The following CNTNAP5 variants were observed in gnomAD, a reference collection of about 807,000 sequenced individuals.
CNTNAP5 encodes contactin-associated protein-like 5.
In CNTNAP5, 72 loss-of-function variants were observed where a neutral mutation model predicts 150.2. That is an observed-to-expected ratio of 0.48 (90% CI 0.40 to 0.58). The LOEUF is 0.58. CNTNAP5 is among the 20% of genes least tolerant of loss of function. CNTNAP5 has a pLI of 0.00. For missense variants in CNTNAP5, 1,636 were observed against 1,626.2 expected, an observed-to-expected ratio of 1.01 and a Z score of -0.10; for synonymous variants, 672 against 619.8, an observed-to-expected ratio of 1.08 and a Z score of -1.25.
At chr2:124,065,999 T>C (rs1682142284) in intron 1 of CNTNAP5, among the ~76,000 whole-genome samples, 1 of 152,164 alleles carries the variant, frequency 6.6e-6, no homozygotes, top group Non-Finnish European at 1.5e-5. Context: ...TGAGTGGATA[T>C]GCTCTCGAGG....
At chr2:124,412,102 C>A (rs1691784571) in intron 3 of CNTNAP5, among the ~76,000 whole-genome samples, 1 of 125,340 alleles carries the variant, frequency 8.0e-6, no homozygotes, top group African/African-American at 2.8e-5. Context: ...AACAGAGAGC[C>A]AAATCATGAG....
chr2:124,735,647 T>C (rs1680366768), intron 13 of CNTNAP5, among the ~76,000 whole-genome samples: 1 of 152,192 alleles, frequency 6.6e-6, no homozygotes, highest in African/African-American at 2.4e-5. Context: ...TACTCTTTTA[T>C]TCCCTTCTCT....
chr2:124,885,212 A>T (rs1171398982), intron 21 of CNTNAP5, among the ~76,000 whole-genome samples: 1 of 151,984 alleles, frequency 6.6e-6, no homozygotes, highest in African/African-American at 2.4e-5. Context: ...AAGTCTTAAA[A>T]GCCATTCTGC....
intron 3 of CNTNAP5, among the ~76,000 whole-genome samples, chr2:124,285,236 G>C (rs753506050): frequency 1.2e-4 from 18 of 152,222 alleles, no homozygotes; most frequent in Non-Finnish European, 1.9e-4. Context: ...TTTTGCATGA[G>C]TTCCCTGGAG....
chr2:124,903,156 C>T, intron 22 of CNTNAP5, 56 bp downstream of exon 22: 1 of 1,097,588 alleles, frequency 9.1e-7, no homozygotes, highest in Non-Finnish European at 1.2e-6. Context: ...CTTTTTGTGT[C>T]TTCAAGAAGC....
At chr2:124,069,757 C>T (rs910185074) in intron 1 of CNTNAP5, among the ~76,000 whole-genome samples, 1 of 152,116 alleles carries the variant, frequency 6.6e-6, no homozygotes, top group Non-Finnish European at 1.5e-5. Context: ...GGGATTTCTT[C>T]AACACCAGAA....
intron 1 of CNTNAP5, among the ~76,000 whole-genome samples, chr2:124,125,446 T>G (rs77952940): frequency 1.3e-5 from 2 of 152,066 alleles, no homozygotes; most frequent in Non-Finnish European, 2.9e-5. Flanking sequence ...AGACTTAGAC[T>G]CCCATGCAAT....
At chr2:124,858,069 C>G (rs528279202) in intron 19 of CNTNAP5, among the ~76,000 whole-genome samples, 93 of 152,162 alleles carry the variant, frequency 6.1e-4, no homozygotes, top group African/African-American at 2.2e-3. Flanking sequence ...ATAATAAGAG[C>G]TATTTATGAC....
chr2:124,488,288 G>A (rs1323843186), intron 7 of CNTNAP5, among the ~76,000 whole-genome samples: 1 of 152,042 alleles, frequency 6.6e-6, no homozygotes, highest in African/African-American at 2.4e-5. Flanking sequence ...ATAACGTGTT[G>A]ATCATTTATT....
chr2:124,230,536 A>AT (rs545783458), intron 2 of CNTNAP5, among the ~76,000 whole-genome samples: 25 of 140,676 alleles, frequency 1.8e-4, no homozygotes, highest in Non-Finnish European at 1.8e-4. Flanking sequence ...ATAAATTATT[A>AT]TTTTTTTTTT....
intron 1 of CNTNAP5, among the ~76,000 whole-genome samples, chr2:124,042,149 C>T (rs923231511): frequency 3.9e-5 from 6 of 152,182 alleles, no homozygotes; most frequent in Admixed American, 2.6e-4. Context: ...GCATGAGCCA[C>T]CATGCCCAGC....
chr2:124,580,301 C>A (rs1696380359), intron 11 of CNTNAP5, among the ~76,000 whole-genome samples: 1 of 152,244 alleles, frequency 6.6e-6, no homozygotes, highest in South Asian at 2.1e-4. Context: ...CTAAAGGCTT[C>A]TCTGTAAGTT....
chr2:124,105,527 C>G (rs1168741449), intron 1 of CNTNAP5, among the ~76,000 whole-genome samples: 1 of 152,136 alleles, frequency 6.6e-6, no homozygotes, highest in South Asian at 2.1e-4. Context: ...CTGACCTACT[C>G]AAGTCCAATT....
chr2:124,454,154 A>G (rs1693058130), intron 6 of CNTNAP5, among the ~76,000 whole-genome samples: 1 of 152,182 alleles, frequency 6.6e-6, no homozygotes. Context: ...CCTTCAAGAG[A>G]CACACCTAAT....
At position 124,055,960 on chromosome 2, in the gene CNTNAP5, G is replaced by T. The variant is rs528423141; in HGVS notation, c.82+30228G>T. Among the ~76,000 whole-genome samples, 160 of 151,952 alleles carry T rather than the reference G, an allele frequency of 1.1e-3. 1 individual carries two copies. The highest frequency in any genetic ancestry group is 3.5e-3 in the Middle Eastern group (1 of 288). ...TCTGATTTTGACTCCCTCTGTGACT[G>T]TAAAAGTAAAACACCTATGCCTCTT... On this transcript the variant is annotated intron_variant, in intron 1 of 23. Transcript: ENST00000682447.
chr2:124,336,271 T>G (rs1489037038), intron 3 of CNTNAP5, among the ~76,000 whole-genome samples: 1 of 151,796 alleles, frequency 6.6e-6, no homozygotes, highest in African/African-American at 2.4e-5. Flanking sequence ...AGGGGTCCAA[T>G]TTTTGGGTCC....
chr2:124,915,444 A>T lies in CNTNAP5; in HGVS notation c.*1156A>T, dbSNP rs151305474. 3.3e-5 allele frequency among the ~76,000 whole-genome samples: 5 copies of T among 152,180 alleles called. 1 individual carries two copies. Among genetic ancestry groups the T allele is most frequent in the African/African-American group, 1.2e-4 (5 of 41,560 alleles). Reference sequence around the variant, plus strand: ...CACTCACTAAAGACCTGGTGAAGATAGTTAATTCAAATTTGCAAGTTTCAC... The same window carrying T: ...CACTCACTAAAGACCTGGTGAAGATTGTTAATTCAAATTTGCAAGTTTCAC... On this transcript the variant is annotated 3_prime_UTR_variant, in exon 24 of 24. Transcript: ENST00000682447.
chr2:124,586,594 T>G lies in CNTNAP5; in HGVS notation c.1757-23207T>G, dbSNP rs1696542345. Among the ~76,000 whole-genome samples, 5 of 152,320 alleles carry G rather than the reference T, an allele frequency of 3.3e-5. No homozygotes were observed. In the South Asian group the frequency reaches 1.0e-3, roughly 32 times the overall value. Reference sequence around the variant, plus strand: ...ACTTTCACCTCTTTACCTTTTTAGCTTAGAGATAGGTTAGATGATGTGATC... The same window carrying G: ...ACTTTCACCTCTTTACCTTTTTAGCGTAGAGATAGGTTAGATGATGTGATC... On this transcript the variant is annotated intron_variant, in intron 11 of 23. Transcript: ENST00000682447.
At chr2:124,250,914 T>C (rs761710381) in intron 3 of CNTNAP5, among the ~76,000 whole-genome samples, 7 of 152,122 alleles carry the variant, frequency 4.6e-5, no homozygotes, top group Non-Finnish European at 7.3e-5. Flanking sequence ...TTTCTACTAC[T>C]CTTAAGTACG....
Sources: gnomAD v4.1 joint callset for allele counts (sites outside exome capture counted in the v4.1 genomes callset) on GRCh38, gnomAD v4.1.1 for gene constraint, MANE v1.5 for transcripts, NCBI Gene and HGNC (gene_info 2026-07-23, HGNC 2026-07-21) for gene names.